The following FRYL variants were observed in gnomAD, a reference collection of about 807,000 sequenced individuals.
FRYL encodes FRY like transcription coactivator.
FRYL carries 150 observed loss-of-function variants against 351.2 expected under a neutral mutation model. The observed-to-expected ratio is 0.43, with a 90% CI of 0.37 to 0.49. The LOEUF (loss-of-function observed/expected upper bound fraction) is 0.49, where lower values mean the gene tolerates loss of function less well. FRYL is among the 20% of genes least tolerant of loss of function. The pLI is 0.00. For missense variants in FRYL, 3,036 were observed against 3,619.3 expected (o/e 0.84, Z 4.13); for synonymous variants, 1,153 against 1,257.1 (o/e 0.92, Z 1.75).
intron 1 of FRYL, among the ~76,000 whole-genome samples, chr4:48,759,038 A>G (rs1774129689): frequency 6.6e-6 from 1 of 152,182 alleles, no homozygotes; most frequent in Admixed American, 6.5e-5. Flanking sequence ...GAATGAGAAC[A>G]CCGGGACACA....
At chr4:48,653,963 G>A (rs1758258652) in intron 3 of FRYL, 2 of 1,172,434 alleles carry the variant, frequency 1.7e-6, no homozygotes, top group South Asian at 1.6e-5. Context: ...TTGCAGTGAC[G>A]CACAACTATA....
intron 13 of FRYL, among the ~76,000 whole-genome samples, chr4:48,600,085 T>G (rs1304760748): frequency 6.6e-6 from 1 of 151,512 alleles, no homozygotes; most frequent in Non-Finnish European, 1.5e-5. Flanking sequence ...CCAGCCTGGG[T>G]GACAGAGCGA....
In FRYL at chr4:48,563,954, T is replaced by C; in HGVS notation, c.3590A>G (p.Gln1197Arg). The C allele has an allele frequency of 1.2e-6, 2 of 1,613,204 alleles. No homozygotes were observed. The highest frequency in any genetic ancestry group is 1.7e-6 in the Non-Finnish European group (2 of 1,179,800). Residue 1197 changes from glutamine to arginine, a missense_variant, in exon 31 of 64, where the codon CAG (glutamine) becomes CGG (arginine). This residue lies in a region of FRYL where 1,987 missense variants were observed against 2,311.7 expected (regional missense o/e 0.86). Coordinates refer to ENST00000358350, the MANE Select transcript of FRYL (RefSeq NM_015030.2). ...GCFKAIANVFQNRDYQCDTVM... is the reference protein window; with the variant it reads ...GCFKAIANVFRNRDYQCDTVM... ...AAACCTGTATCTAAAGTACCTGTTC[T>C]GGAAAACATTAGCAATGGCTTTAAA... is the stretch of plus-strand genomic sequence containing the variant.
At chr4:48,690,033 AC>A (rs1765540168) in intron 2 of FRYL, among the ~76,000 whole-genome samples, 2 of 149,462 alleles carry the variant, frequency 1.3e-5, no homozygotes, top group African/African-American at 4.9e-5. Context: ...ACTAGCTGGG[AC>A]TACAGGTGCC....
chr4:48,760,526 T>C (rs1464271072), intron 1 of FRYL, among the ~76,000 whole-genome samples: 1 of 151,978 alleles, frequency 6.6e-6, no homozygotes, highest in Non-Finnish European at 1.5e-5. Context: ...ATGCCTTGTG[T>C]TTTTTTGTTT....
chr4:48,689,923 C>T (rs1412484973), intron 2 of FRYL, among the ~76,000 whole-genome samples: 3 of 134,362 alleles, frequency 2.2e-5, no homozygotes, highest in African/African-American at 8.4e-5. Context: ...GAGACGGAGT[C>T]TCACTCTTTG....
intron 3 of FRYL, among the ~76,000 whole-genome samples, chr4:48,645,494 G>C (rs1256937790): frequency 6.6e-6 from 1 of 152,012 alleles, no homozygotes; most frequent in Non-Finnish European, 1.5e-5. Flanking sequence ...ATAAGAATTT[G>C]TCTGTCATAT....
At chr4:48,686,179 G>C (rs1765136682) in intron 2 of FRYL, among the ~76,000 whole-genome samples, 1 of 152,110 alleles carries the variant, frequency 6.6e-6, no homozygotes, top group African/African-American at 2.4e-5. Flanking sequence ...AACAGAAAGG[G>C]TGAAATATCC....
At chr4:48,741,504 C>T (rs1299445644) in intron 1 of FRYL, among the ~76,000 whole-genome samples, 1 of 152,076 alleles carries the variant, frequency 6.6e-6, no homozygotes, top group Non-Finnish European at 1.5e-5. Context: ...TGCACCACTG[C>T]ACTCCAGCCT....
At chr4:48,594,331 C>T (rs1744147612) in intron 15 of FRYL, among the ~76,000 whole-genome samples, 6 of 151,800 alleles carry the variant, frequency 4.0e-5, no homozygotes, top group Admixed American at 2.6e-4. Context: ...AATAGCCAGG[C>T]AGCAGGCCTA....
intron 3 of FRYL, among the ~76,000 whole-genome samples, chr4:48,670,508 A>C (rs1361509110): frequency 6.6e-6 from 1 of 151,560 alleles, no homozygotes; most frequent in Non-Finnish European, 1.5e-5. Context: ...CTGCTGTGCT[A>C]GCAAATACTA....
chr4:48,694,151 C>G (rs1321751417), intron 2 of FRYL, among the ~76,000 whole-genome samples: 3 of 152,040 alleles, frequency 2.0e-5, no homozygotes, highest in Admixed American at 6.6e-5. Context: ...AGAGATTAAG[C>G]TGCATATCTC....
Position 48,540,927 on chromosome 4 carries a change from C to A in FRYL, c.5721G>T (p.Lys1907Asn). The A allele has an allele frequency of 6.2e-7, 1 of 1,605,728 alleles. No individual in the cohort carries two copies. The highest frequency in any genetic ancestry group is 1.1e-5 in the South Asian group (1 of 90,448). The change falls in exon 46 of 64, where the codon AAG becomes AAT. Residue 1907 changes from lysine to asparagine, a missense_variant. By Grantham distance (94) the Lys-to-Asn change is moderately conservative. Around this residue, in one of 7 missense-constraint regions of FRYL, gnomAD observed 1,987 missense variants for 2,311.7 expected, o/e 0.86. Coordinates refer to ENST00000358350, the MANE Select transcript of FRYL (RefSeq NM_015030.2). ...CAGTGCTTTTCCTGTTAGCTGCATA[C>A]TTGTTTCCCATTATAGGATCATGAT... Reference protein sequence around the residue: ...TSYHDPIMGNKYAANRKSTGQ... With the variant: ...TSYHDPIMGNNYAANRKSTGQ...
At position 48,535,768 on chromosome 4, in the gene FRYL, G is replaced by A; in HGVS notation, c.6453C>T (p.Tyr2151=). The A allele has an allele frequency of 6.3e-7, 1 of 1,588,856 alleles. No homozygotes were observed. The highest frequency in any genetic ancestry group is 8.6e-7 in the Non-Finnish European group (1 of 1,165,386). ...AGTCTCTGGAATACGTGTGTGTACT[G>A]TACAAACTCATCATGTGTGCCAGAT... ...LVNLAHMMSL[Y]STHTYSRDCS... The change falls in exon 48 of 64, where the codon TAC becomes TAT. Residue 2151 remains tyrosine, a synonymous_variant. Coordinates refer to ENST00000358350, the MANE Select transcript of FRYL (RefSeq NM_015030.2).
Position 48,634,287 on chromosome 4 carries a change from TCA to T in FRYL, c.120+2_120+3del. 1 of 1,605,584 alleles carries T rather than the reference TCA, an allele frequency of 6.2e-7. No homozygotes were observed. Among genetic ancestry groups the T allele is most frequent in the Non-Finnish European group, 8.5e-7 (1 of 1,172,276 alleles). ...TTTCAGATTTATAGGTCAGCTGTAC[TCA>T]CCAAGGGTTCGGCCATTACAACTTC... On this transcript the variant is annotated splice_donor_variant and splice_donor_region_variant and intron_variant, in intron 4 of 63. Coordinates refer to ENST00000358350, the MANE Select transcript of FRYL (RefSeq NM_015030.2). LOFTEE classifies it high-confidence loss of function.
intron 60 of FRYL, 152 bp downstream of exon 60, chr4:48,505,395 A>T: frequency 1.5e-6 from 1 of 650,500 alleles, no homozygotes. Context: ...TATTTCATTG[A>T]GCTTTTACAA....
intron 1 of FRYL, among the ~76,000 whole-genome samples, chr4:48,733,437 AAAG>A (rs1770959777): frequency 6.6e-6 from 1 of 152,076 alleles, no homozygotes; most frequent in South Asian, 2.1e-4. Context: ...AGAAATGTTA[AAAG>A]AAGTTCTTTA....
In FRYL at chr4:48,747,170, C is replaced by CCA. The variant is rs1553880418; in HGVS notation, c.-384+32907_-384+32908insTG. Reference sequence around the variant, plus strand: ...CAAATATATTTCCCCTATCCCCCCCCAAAAAAAGATTCCAGGAAGAGAAGT... The same window carrying CCA: ...CAAATATATTTCCCCTATCCCCCCCCCAAAAAAAAGATTCCAGGAAGAGAAGT... On this transcript the variant is annotated intron_variant, in intron 1 of 63. Transcript: ENST00000358350. 1.9e-4 allele frequency among the ~76,000 whole-genome samples: 29 copies of CCA among 149,862 alleles called. No homozygotes were observed. In the South Asian group the frequency reaches 3.6e-3, roughly 19 times the overall value.
At chr4:48,600,191 G>C (rs909449150) in intron 13 of FRYL, among the ~76,000 whole-genome samples, 2 of 152,010 alleles carry the variant, frequency 1.3e-5, no homozygotes, top group Non-Finnish European at 2.9e-5. Flanking sequence ...AAATAGTTTA[G>C]GTAAGGCCTT....
Sources: gnomAD v4.1 joint callset for allele counts (sites outside exome capture counted in the v4.1 genomes callset) on GRCh38, gnomAD v4.1.1 for gene constraint, gnomAD v4.1.1 regional missense constraint, MANE v1.5 for transcripts, NCBI Gene and HGNC (gene_info 2026-07-23, HGNC 2026-07-21) for gene names.